CLDN10: variants seen among roughly 807,000 people sequenced by gnomAD.
CLDN10 encodes the protein claudin-10.
A neutral mutation model predicts 22.9 loss-of-function variants in CLDN10; 15 were observed. The ratio of observed to expected loss-of-function variants is 0.65; its 90% CI spans 0.44 to 1.01. The LOEUF (loss-of-function observed/expected upper bound fraction) is 1.01, where lower values mean the gene tolerates loss of function less well. Among genes scored for constraint, CLDN10 ranks in the 50% least tolerant of loss-of-function variants. The pLI is 0.00. For synonymous variants in CLDN10, 114 were observed against 111.4 expected, an observed-to-expected ratio of 1.02 and a Z score of -0.15; for missense variants, 247 against 287.8, an observed-to-expected ratio of 0.86 and a Z score of 1.03.
chr13:95,496,055 T>C (rs9524983), intron 1 of CLDN10, among the ~76,000 whole-genome samples: 64,254 of 152,076 alleles, frequency 0.42, 14,849 homozygotes, highest in Non-Finnish European at 0.51. Context: ...TCCGGAATAT[T>C]TGGGCTCTTT....
chr13:95,458,169 G>A (rs188486185), intron 1 of CLDN10, among the ~76,000 whole-genome samples: 200 of 152,316 alleles, frequency 1.3e-3, no homozygotes, highest in Middle Eastern at 6.8e-3. Flanking sequence ...AATTACATGA[G>A]TGGTTGTGTA....
intron 1 of CLDN10, among the ~76,000 whole-genome samples, chr13:95,513,690 T>TGAAAAGGCTGTAAA (rs1555294613): frequency 7.0e-6 from 1 of 142,102 alleles, no homozygotes; most frequent in Non-Finnish European, 1.6e-5. Context: ...CATTCATTCA[T>TGAAAAGGCTGTAAA]AGATACATAT....
intron 1 of CLDN10, among the ~76,000 whole-genome samples, chr13:95,501,786 A>G (rs1429225797): frequency 6.6e-6 from 1 of 152,208 alleles, no homozygotes; most frequent in Non-Finnish European, 1.5e-5. Flanking sequence ...TTTACATTTA[A>G]TGTAATCACT....
chr13:95,574,168 C>A (rs2043895862), intron 3 of CLDN10, among the ~76,000 whole-genome samples: 1 of 152,004 alleles, frequency 6.6e-6, no homozygotes, highest in Admixed American at 6.6e-5. Context: ...GTGAATAGTG[C>A]CGCAATAAAC....
At chr13:95,444,177 G>A (rs902885319) in intron 1 of CLDN10, among the ~76,000 whole-genome samples, 3 of 152,182 alleles carry the variant, frequency 2.0e-5, no homozygotes, top group African/African-American at 7.2e-5. Flanking sequence ...GCATCCTAAA[G>A]GAGATGTAGT....
At chr13:95,458,432 C>T (rs557524860) in intron 1 of CLDN10, among the ~76,000 whole-genome samples, 1 of 152,280 alleles carries the variant, frequency 6.6e-6, no homozygotes, top group South Asian at 2.1e-4. Context: ...GTTTAATCAA[C>T]TCATGCTTCT....
intron 1 of CLDN10, among the ~76,000 whole-genome samples, chr13:95,448,904 T>TA (rs140265867): frequency 0.32 from 48,996 of 151,354 alleles, 8,741 homozygotes; most frequent in Non-Finnish European, 0.39. Context: ...CACGCCCAGC[T>TA]ATTTTTGTAT....
chr13:95,505,004 G>T (rs189726845), intron 1 of CLDN10, among the ~76,000 whole-genome samples: 1 of 152,198 alleles, frequency 6.6e-6, no homozygotes, highest in African/African-American at 2.4e-5. Context: ...ACTCAAGAAC[G>T]TTTAACTATT....
At chr13:95,452,072 T>C (rs2042436959) in intron 1 of CLDN10, among the ~76,000 whole-genome samples, 1 of 152,238 alleles carries the variant, frequency 6.6e-6, no homozygotes, top group South Asian at 2.1e-4. Context: ...AATGATCTAT[T>C]CTGGAATTTT....
chr13:95,471,178 A>G (rs922651904), intron 1 of CLDN10, among the ~76,000 whole-genome samples: 28 of 152,062 alleles, frequency 1.8e-4, no homozygotes, highest in African/African-American at 6.3e-4. Context: ...AGACAGATCC[A>G]AAGGTCCAGA....
chr13:95,479,447 G>A (rs2042720443), intron 1 of CLDN10: 1 of 152,036 alleles, frequency 6.6e-6, no homozygotes, highest in East Asian at 1.9e-4. Flanking sequence ...GAAGGTATTA[G>A]GATTGTCAAA....
At chr13:95,524,859 A>AT (rs144764656) in intron 1 of CLDN10, among the ~76,000 whole-genome samples, 3 of 110,722 alleles carry the variant, frequency 2.7e-5, no homozygotes, top group African/African-American at 3.5e-5. Flanking sequence ...TTATTTATTT[A>AT]TTTTTATTTT....
At chr13:95,561,079 G>C (rs928607403) in intron 3 of CLDN10, 1 of 152,238 alleles carries the variant, frequency 6.6e-6, no homozygotes, top group Admixed American at 6.6e-5. Flanking sequence ...ACTATGGGCT[G>C]TTGCTTTTTA....
At chr13:95,566,125 C>T (rs993595871) in intron 3 of CLDN10, among the ~76,000 whole-genome samples, 9 of 152,124 alleles carry the variant, frequency 5.9e-5, no homozygotes, top group Non-Finnish European at 1.2e-4. Flanking sequence ...ATTTATAATC[C>T]TTTGGGTATA....
intron 1 of CLDN10, among the ~76,000 whole-genome samples, chr13:95,457,911 A>G (rs901610950): frequency 6.6e-6 from 1 of 152,172 alleles, no homozygotes; most frequent in Admixed American, 6.5e-5. Flanking sequence ...ACCAACAACC[A>G]CAGATCCTCA....
chr13:95,537,673 G>T (rs17235306), intron 1 of CLDN10, among the ~76,000 whole-genome samples: 1 of 152,036 alleles, frequency 6.6e-6, no homozygotes, highest in East Asian at 1.9e-4. Context: ...TCCACAGAAT[G>T]GCATTTCCAA....
At chr13:95,551,410 G>A (rs768160073), upstream of CLDN10, among the ~76,000 whole-genome samples, 3 of 152,124 alleles carry the variant, frequency 2.0e-5, no homozygotes, top group Non-Finnish European at 2.9e-5. Flanking sequence ...AGTGTGGAGC[G>A]TGTCCTGCTG....
intron 1 of CLDN10, among the ~76,000 whole-genome samples, chr13:95,511,348 C>T (rs2043096056): frequency 1.3e-5 from 2 of 151,884 alleles, no homozygotes; most frequent in African/African-American, 4.8e-5. Context: ...GAGAAAAAAA[C>T]CCTAAATCCT....
At chr13:95,532,254 A>C (rs1231464192) in intron 1 of CLDN10, among the ~76,000 whole-genome samples, 1 of 152,212 alleles carries the variant, frequency 6.6e-6, no homozygotes, top group Non-Finnish European at 1.5e-5. Flanking sequence ...CATATTCACT[A>C]AGAATGTATC....
Sources: allele counts gnomAD v4.1 joint callset (sites outside exome capture counted in the v4.1 genomes callset), GRCh38; gene constraint gnomAD v4.1.1; transcripts MANE v1.5; gene names NCBI Gene and HGNC (gene_info 2026-07-23, HGNC 2026-07-21).